The following CSMD1 variants were observed in gnomAD, a reference collection of about 807,000 sequenced individuals.
CSMD1 encodes the protein CUB and Sushi multiple domains 1, also known as CUB and sushi domain-containing protein 1.
Under a neutral mutation model 417.5 loss-of-function variants are expected in CSMD1, and 213 were observed. The observed-to-expected ratio is 0.51, with a 90% CI of 0.46 to 0.57. The LOEUF is 0.57. Ranked by LOEUF, CSMD1 falls within the 20% of genes least tolerant of loss-of-function variation. The pLI, the probability that CSMD1 is intolerant of heterozygous loss-of-function variation, is 0.00. For synonymous variants in CSMD1, 2,862 were observed against 1,736.8 expected (o/e 1.65, Z -16.11); for missense variants, 6,923 against 4,529.7 (o/e 1.53, Z -15.17).
chr8:3,033,261 C>T (rs62490490), intron 50 of CSMD1, among the ~76,000 whole-genome samples: 36,119 of 151,890 alleles, frequency 0.24, 4,858 homozygotes, highest in East Asian at 0.33. Context: ...ATTAATATAC[C>T]ATTGATTGAA....
chr8:4,594,534 G>A (rs906819364), intron 2 of CSMD1, among the ~76,000 whole-genome samples: 2 of 152,048 alleles, frequency 1.3e-5, no homozygotes, highest in East Asian at 3.9e-4. Flanking sequence ...GTCACATTCT[G>A]AGTTATTGGG....
chr8:2,982,908 G>C (rs1431576958), intron 54 of CSMD1, among the ~76,000 whole-genome samples: 2 of 152,108 alleles, frequency 1.3e-5, no homozygotes, highest in Non-Finnish European at 2.9e-5. Context: ...AGGCAGCTTG[G>C]CTCTAAGCTG....
intron 3 of CSMD1, among the ~76,000 whole-genome samples, chr8:4,295,886 C>T (rs751725037): frequency 6.6e-6 from 1 of 150,538 alleles, no homozygotes; most frequent in Non-Finnish European, 1.5e-5. Context: ...ATGCTCTTGT[C>T]TTTTCTCCAT....
intron 5 of CSMD1, among the ~76,000 whole-genome samples, chr8:3,920,533 G>C (rs1445182745): frequency 2.0e-5 from 3 of 152,104 alleles, no homozygotes; most frequent in Admixed American, 6.6e-5. Flanking sequence ...CGTTTGGCAC[G>C]AGTAGGCAAC....
At chr8:3,145,454 T>C (rs1384806499) in intron 40 of CSMD1, among the ~76,000 whole-genome samples, 3 of 152,134 alleles carry the variant, frequency 2.0e-5, no homozygotes, top group Non-Finnish European at 4.4e-5. Context: ...ATGGAGGACA[T>C]CCAACGTCTC....
intron 6 of CSMD1, among the ~76,000 whole-genome samples, chr8:3,736,602 C>A (rs1796531978): frequency 6.6e-6 from 1 of 152,174 alleles, no homozygotes; most frequent in East Asian, 1.9e-4. Context: ...CTGGCTCCTG[C>A]AACACCAGGC....
chr8:4,372,158 C>T (rs1212527258), intron 3 of CSMD1, among the ~76,000 whole-genome samples: 2 of 152,208 alleles, frequency 1.3e-5, no homozygotes, highest in Non-Finnish European at 2.9e-5. Flanking sequence ...CTCTAACCTT[C>T]TACTTGTCCA....
chr8:4,019,109 A>C (rs982135336), intron 4 of CSMD1, among the ~76,000 whole-genome samples: 1 of 152,184 alleles, frequency 6.6e-6, no homozygotes, highest in Non-Finnish European at 1.5e-5. Flanking sequence ...CTAGATACAT[A>C]TTTTTGTACT....
At position 3,107,428 on chromosome 8, in the gene CSMD1, A is replaced by C. The variant is rs529172940; in HGVS notation, c.6835+290T>G. The stretch of plus-strand genomic sequence containing the variant: ...TCTGTCTCTGAATACTTTATTAAAA[A>C]CTATGAACTACCAAATGTTGTAGAG... On this transcript the variant is annotated intron_variant, in intron 45 of 69. Coordinates refer to ENST00000635120, the MANE Select transcript of CSMD1 (RefSeq NM_033225.6). Among the ~76,000 whole-genome samples, 65 of 152,300 alleles carry C rather than the reference A, an allele frequency of 4.3e-4. 1 individual carries two copies. In the South Asian group the frequency reaches 0.013, roughly 32 times the overall value.
At chr8:4,134,867 A>G (rs1803322593) in intron 3 of CSMD1, among the ~76,000 whole-genome samples, 1 of 152,166 alleles carries the variant, frequency 6.6e-6, no homozygotes, top group African/African-American at 2.4e-5. Context: ...AATTGCTCCT[A>G]GAATAAAGTT....
chr8:3,482,833 A>G (rs1817823567), intron 11 of CSMD1, among the ~76,000 whole-genome samples: 1 of 152,220 alleles, frequency 6.6e-6, no homozygotes, highest in East Asian at 1.9e-4. Flanking sequence ...AGGCAGTAGA[A>G]AAATCTCTAA....
chr8:4,762,098 C>G (rs1190942222), intron 1 of CSMD1, among the ~76,000 whole-genome samples: 1 of 152,028 alleles, frequency 6.6e-6, no homozygotes, highest in Non-Finnish European at 1.5e-5. Flanking sequence ...GTGTTTTAAA[C>G]TCAATTTCCC....
In CSMD1 at chr8:3,067,924, A is replaced by T. The variant is rs560369885; in HGVS notation, c.7475-15277T>A. On this transcript the variant is annotated intron_variant, in intron 49 of 69. Transcript: ENST00000635120. The stretch of plus-strand genomic sequence containing the variant: ...ATATTAGATGATTTATCCAGAGTTC[A>T]TCTAGTAAGGGGTAAAGCCAGACTC... Among the ~76,000 whole-genome samples, 20 of 152,252 alleles carry T rather than the reference A, an allele frequency of 1.3e-4. No homozygotes were observed. In the East Asian group the frequency reaches 3.5e-3, roughly 26 times the overall value.
intron 3 of CSMD1, among the ~76,000 whole-genome samples, chr8:4,255,639 C>T (rs1201611123): frequency 6.6e-6 from 1 of 152,188 alleles, no homozygotes; most frequent in Non-Finnish European, 1.5e-5. Context: ...CCTCGCACTG[C>T]ATCATTTATT....
At chr8:3,392,720 G>C (rs2116836873) in intron 17 of CSMD1, among the ~76,000 whole-genome samples, 1 of 152,240 alleles carries the variant, frequency 6.6e-6, no homozygotes, top group Non-Finnish European at 1.5e-5. Flanking sequence ...GCTTGGGGCT[G>C]TACAATTTAC....
At chr8:4,505,956 G>T (rs1011004835) in intron 2 of CSMD1, among the ~76,000 whole-genome samples, 1 of 151,918 alleles carries the variant, frequency 6.6e-6, no homozygotes. Flanking sequence ...ATGTCACCAC[G>T]CCTGGGTAAT....
intron 1 of CSMD1, among the ~76,000 whole-genome samples, chr8:4,910,157 T>G (rs1027069894): frequency 1.4e-4 from 22 of 152,304 alleles, no homozygotes; most frequent in African/African-American, 5.3e-4. Flanking sequence ...GCAGAACATA[T>G]ATTTCAAATT....
intron 45 of CSMD1, among the ~76,000 whole-genome samples, chr8:3,107,342 T>C (rs139801835): frequency 2.6e-3 from 394 of 152,272 alleles, no homozygotes; most frequent in South Asian, 0.013. Flanking sequence ...CCGCAAATGA[T>C]TCAGATTTTT....
chr8:3,090,414 C>T (rs6558715), intron 48 of CSMD1, among the ~76,000 whole-genome samples: 93,427 of 151,376 alleles, frequency 0.62, 28,867 homozygotes, highest in African/African-American at 0.64. Context: ...GATGTCTTTG[C>T]AGCAAAGGTC....
Sources: gnomAD v4.1 joint callset for allele counts (sites outside exome capture counted in the v4.1 genomes callset) on GRCh38, gnomAD v4.1.1 for gene constraint, MANE v1.5 for transcripts, NCBI Gene and HGNC (gene_info 2026-07-23, HGNC 2026-07-21) for gene names.